Variants in SLC2A6 observed in about 807,000 individuals in gnomAD.
The protein encoded by SLC2A6 is solute carrier family 2 member 6, also known as solute carrier family 2, facilitated glucose transporter member 6.
SLC2A6 carries 39 observed loss-of-function variants against 47.8 expected under a neutral mutation model. That is an observed-to-expected ratio of 0.82 (90% confidence interval 0.63 to 1.07). The LOEUF is 1.07. SLC2A6 is among the 50% of genes least tolerant of loss of function. SLC2A6 has a pLI of 0.00. For missense variants in SLC2A6, 650 were observed against 707.6 expected, an observed-to-expected ratio of 0.92 and a Z score of 0.92; for synonymous variants, 346 against 324.1, an observed-to-expected ratio of 1.07 and a Z score of -0.73.
At position 133,475,599 on chromosome 9, in the gene SLC2A6, G is replaced by C. The variant is rs376292679; in HGVS notation, c.575C>G (p.Pro192Arg). The C allele has an allele frequency of 1.9e-6, 3 of 1,595,016 alleles. No individual in the cohort carries two copies. The highest frequency in any genetic ancestry group is 1.7e-6 in the Non-Finnish European group (2 of 1,173,026). Reference protein sequence around the residue: ...LSLYALGLLLPWRWLAVAGEA... With the variant: ...LSLYALGLLLRWRWLAVAGEA... ...CCCGGCCACAGCCAGCCAGCGCCACGGCAGCAGGAGGCCTGGGGGCGAGGG... is the reference window on the plus strand; with the variant it reads ...CCCGGCCACAGCCAGCCAGCGCCACCGCAGCAGGAGGCCTGGGGGCGAGGG... The change falls in exon 5 of 10, where the codon CCG becomes CGG. Residue 192 changes from proline (P) to arginine (R), a missense_variant. Pro to Arg is a moderately radical substitution (Grantham distance 103). Transcript: ENST00000371899.
intron 9 of SLC2A6, 141 bp from the exon 10 acceptor site, chr9:133,472,317 C>A (rs587688180): frequency 1.8e-5 from 17 of 919,720 alleles, no homozygotes; most frequent in African/African-American, 6.7e-5. Context: ...ACCGCCCCCC[C>A]ACACCAGGGC....
At position 133,477,288 on chromosome 9, in the gene SLC2A6, C is replaced by T. The variant is rs1032353389; in HGVS notation, c.256-47G>A. The T allele has an allele frequency of 3.3e-6, 5 of 1,529,766 alleles. No individual in the cohort carries two copies. In the African/African-American group the frequency reaches 5.5e-5, roughly 17 times the overall value. The allele number at this position is 1,529,766 out of a possible 1,614,324, so 94.8% of individuals were successfully genotyped here. A position where few individuals can be genotyped will look rare whatever the true frequency, so the allele number is the denominator to read the frequency against. On this transcript the variant is annotated intron_variant, in intron 2 of 9. Transcript: ENST00000371899. Reference sequence around the variant, plus strand: ...GGCAGATATGTCTGGGCACTTGGCACCCCAATCTCATCAGAGTCCAGGGAC... The same window carrying T: ...GGCAGATATGTCTGGGCACTTGGCATCCCAATCTCATCAGAGTCCAGGGAC...
intron 9 of SLC2A6, 63 bp downstream of exon 9, chr9:133,473,040 ACT>A: frequency 6.6e-7 from 1 of 1,510,470 alleles, no homozygotes; most frequent in Non-Finnish European, 8.9e-7. Flanking sequence ...AGCCCCTGGC[ACT>A]GAGAAGGGTC....
Position 133,475,501 on chromosome 9 carries a change from C to G in SLC2A6, c.673G>C (p.Gly225Arg), listed in dbSNP as rs782541344. 1 of 1,611,630 alleles carries G rather than the reference C, an allele frequency of 6.2e-7. No homozygotes were observed. ...GCCCGCAGGGCCTCTTCGTCCCTGC[C>G]CCGAGAGAGCAGGAAGCGCGGCGAG... ...PNSPRFLLSR[G>R]RDEEALRALA... is the part of the protein sequence containing the mutation. Residue 225 changes from glycine (G) to arginine (R), a missense_variant, in exon 5 of 10, where the codon GGC (glycine) becomes CGC (arginine). Coordinates refer to ENST00000371899, the MANE Select transcript of SLC2A6 (RefSeq NM_017585.4).
rs587633868 is a variant in SLC2A6, at chr9:133,477,110, C to A, written c.387G>T (p.Ala129=). The change falls in exon 3 of 10, where the codon GCG becomes GCT. Residue 129 remains alanine (A), a synonymous_variant. Transcript: ENST00000371899. Reference sequence around the variant, plus strand: ...CGAGCAGCAGCATCCAGAGGCCGTGCGCACCCGCCATGAGCGCATAGCCGG... The same window carrying A: ...CGAGCAGCAGCATCCAGAGGCCGTGAGCACCCGCCATGAGCGCATAGCCGG... ...SAAGYALMAG[A]HGLWMLLLGR... is the part of the protein sequence containing the mutation. The A allele has an allele frequency of 1.3e-6, 2 of 1,546,884 alleles. No individual in the cohort carries two copies. The highest frequency in any genetic ancestry group is 1.2e-5 in the South Asian group (1 of 83,738).
chr9:133,478,439 A>G, intron 1 of SLC2A6, 23 bp from the exon 2 acceptor site: 1 of 1,613,528 alleles, frequency 6.2e-7, no homozygotes, highest in East Asian at 2.2e-5. Flanking sequence ...GCGGACAAAA[A>G]GACCAGGGTC....
chr9:133,478,866 G>C, intron 1 of SLC2A6, 102 bp downstream of exon 1: 1 of 1,036,386 alleles, frequency 9.6e-7, no homozygotes, highest in South Asian at 1.5e-5. Context: ...CCTCGGTGGC[G>C]ACTAGGTCAG....
intron 4 of SLC2A6, 73 bp downstream of exon 4, chr9:133,476,164 T>C: frequency 8.5e-7 from 1 of 1,180,340 alleles, no homozygotes; most frequent in Non-Finnish European, 1.2e-6. Context: ...TCATTCCCTT[T>C]CCACCCACGT....
At chr9:133,478,173 T>C in intron 2 of SLC2A6, 81 bp downstream of exon 2, 1 of 1,495,438 alleles carries the variant, frequency 6.7e-7, no homozygotes, top group Non-Finnish European at 9.2e-7. Flanking sequence ...AGGTGGAGAA[T>C]TTGGGAGGTT....
Position 133,478,426 on chromosome 9 carries a change from G to A in SLC2A6, c.93-10C>T, listed in dbSNP as rs201149419. On this transcript the variant is annotated splice_polypyrimidine_tract_variant and intron_variant, in intron 1 of 9. Coordinates refer to ENST00000371899, the MANE Select transcript of SLC2A6 (RefSeq NM_017585.4). Reference sequence around the variant, plus strand: ...TTTGTTCTGCAGGGTCCTGGTGATGGTGGCGGACAAAAAGACCAGGGTCTC... The same window carrying A: ...TTTGTTCTGCAGGGTCCTGGTGATGATGGCGGACAAAAAGACCAGGGTCTC... 1.9e-6 allele frequency: 3 copies of A among 1,613,746 alleles called. No homozygotes were observed. The Admixed American group carries it at 5.0e-5, about 27-fold the overall frequency.
chr9:133,471,894 C>G lies in SLC2A6; in HGVS notation c.*127G>C. The G allele has an allele frequency of 8.6e-7, 1 of 1,168,334 alleles. No individual in the cohort carries two copies. The highest frequency in any genetic ancestry group is 1.2e-6 in the Non-Finnish European group (1 of 835,038). The allele number at this position is 1,168,334 out of a possible 1,614,324, so 72.4% of individuals were successfully genotyped here. On this transcript the variant is annotated 3_prime_UTR_variant, in exon 10 of 10. Coordinates refer to ENST00000371899, the MANE Select transcript of SLC2A6 (RefSeq NM_017585.4). Reference sequence around the variant, plus strand: ...CACCCGCTGCTGAGGCCCCATCACACTGCTCTTCCTGTGCTCTGGCTGGTG... The same window carrying G: ...CACCCGCTGCTGAGGCCCCATCACAGTGCTCTTCCTGTGCTCTGGCTGGTG...
At chr9:133,478,180 G>A in intron 2 of SLC2A6, 74 bp downstream of exon 2, 1 of 1,533,202 alleles carries the variant, frequency 6.5e-7, no homozygotes, top group Non-Finnish European at 8.9e-7. Flanking sequence ...GAATTTGGGA[G>A]GTTCCTAGCT....
In SLC2A6 at chr9:133,471,762, A is replaced by C; in HGVS notation, c.*259T>G. On this transcript the variant is annotated 3_prime_UTR_variant, in exon 10 of 10. Transcript: ENST00000371899. The stretch of plus-strand genomic sequence containing the variant: ...TCACCCAGCAGGGCCGTGTCCCTGG[A>C]TGCAGGGTTGTATGCACTCCTGCGG... 1 of 440,880 alleles carries C rather than the reference A, an allele frequency of 2.3e-6. No homozygotes were observed. 27.3% of individuals were successfully genotyped at this position (440,880 alleles called of 1,614,324 possible). A position where few individuals can be genotyped will look rare whatever the true frequency, so the allele number is the denominator to read the frequency against.
chr9:133,474,250 G>A (rs1299560892), intron 6 of SLC2A6, among the ~76,000 whole-genome samples, 162 bp from the exon 7 acceptor site: 1 of 152,246 alleles, frequency 6.6e-6, no homozygotes, highest in South Asian at 2.1e-4. Flanking sequence ...TATACTGTCC[G>A]AGCCTATGGG....
chr9:133,473,727 G>A (rs1406287360), intron 7 of SLC2A6, 127 bp from the exon 8 acceptor site: 25 of 1,001,264 alleles, frequency 2.5e-5, no homozygotes, highest in Non-Finnish European at 3.3e-5. Flanking sequence ...GAGACCCCCA[G>A]CAGGGCAGCA....
intron 9 of SLC2A6, among the ~76,000 whole-genome samples, 177 bp from the exon 10 acceptor site, chr9:133,472,353 C>T (rs927622895): frequency 1.3e-5 from 2 of 152,016 alleles, no homozygotes; most frequent in Admixed American, 6.6e-5. Context: ...AGGACAAATC[C>T]GAAGTAGCCC....
At chr9:133,478,745 T>G (rs1386442150) in intron 1 of SLC2A6, 1 of 590,362 alleles carries the variant, frequency 1.7e-6, no homozygotes, top group East Asian at 2.9e-5. Context: ...TCTCACTGTC[T>G]GTGGCAGTGG....
chr9:133,475,231 C>A (rs1554802983), intron 5 of SLC2A6, 118 bp from the exon 6 acceptor site: 1 of 1,397,924 alleles, frequency 7.2e-7, no homozygotes, highest in African/African-American at 1.4e-5. Flanking sequence ...CAGGAAAGAA[C>A]CAGCTTACCA....
intron 2 of SLC2A6, 47 bp downstream of exon 2, chr9:133,478,207 A>G: frequency 6.2e-7 from 1 of 1,603,150 alleles, no homozygotes; most frequent in African/African-American, 1.3e-5. Flanking sequence ...AAGGCTCAGC[A>G]GGTCCCTCCT....
Sources: allele counts gnomAD v4.1 joint callset (sites outside exome capture counted in the v4.1 genomes callset), GRCh38; gene constraint gnomAD v4.1.1; transcripts MANE v1.5; gene names NCBI Gene and HGNC (gene_info 2026-07-23, HGNC 2026-07-21).